GRID2IP: variants seen among roughly 807,000 people sequenced by gnomAD.
The protein encoded by GRID2IP is Grid2 interacting protein.
Under a neutral mutation model 114.3 loss-of-function variants are expected in GRID2IP, and 78 were observed. The observed-to-expected ratio is 0.68, with a 90% CI of 0.57 to 0.82. The LOEUF (loss-of-function observed/expected upper bound fraction) is 0.82. Ranked by LOEUF, GRID2IP falls within the 40% of genes least tolerant of loss-of-function variation. The pLI is 0.00. For synonymous variants in GRID2IP, 809 were observed against 724.0 expected, an observed-to-expected ratio of 1.12 and a Z score of -1.89; for missense variants, 1,727 against 1,678.5, an observed-to-expected ratio of 1.03 and a Z score of -0.51.
intron 1 of GRID2IP, among the ~76,000 whole-genome samples, chr7:6,549,661 C>G (rs1002020427): frequency 6.6e-6 from 1 of 152,142 alleles, no homozygotes; most frequent in Non-Finnish European, 1.5e-5. Context: ...CACTCTGTCA[C>G]TCAGGCTGCA....
Position 6,506,690 on chromosome 7 carries a change from T to C in GRID2IP, c.2545-783A>G, listed in dbSNP as rs1786602093. ...CTTGTCTCACTGAGGTATTTTTTTT[T>C]TTTTTTTTTTAGATAGGGTCTCACT... is the stretch of plus-strand genomic sequence containing the variant. On this transcript the variant is annotated intron_variant, in intron 13 of 21. Transcript: ENST00000457091. This position sits in a 1 kb window ranked among gnomAD's most constrained non-coding sequence, Gnocchi z 5.2. Among the ~76,000 whole-genome samples, 1 of 148,676 alleles carries C rather than the reference T, an allele frequency of 6.7e-6. No homozygotes were observed. The highest frequency in any genetic ancestry group is 2.2e-4 in the East Asian group (1 of 4,642).
chr7:6,502,209 A>G (rs1033403383), intron 18 of GRID2IP, 91 bp from the exon 19 acceptor site: 2 of 1,269,872 alleles, frequency 1.6e-6, no homozygotes, highest in Non-Finnish European at 1.1e-6. Flanking sequence ...TGTGGCATCA[A>G]TGATGAATTC....
In GRID2IP at chr7:6,531,082, G is replaced by C. The variant is rs1032450543; in HGVS notation, c.585-4313C>G. The C allele has an allele frequency of 4.8e-6, 3 of 623,218 alleles. No homozygotes were observed. The Admixed American group carries it at 7.6e-5, about 16-fold the overall frequency. The allele number at this position is 623,218 out of a possible 1,614,324, so 38.6% of individuals were successfully genotyped here. A position where few individuals can be genotyped will look rare whatever the true frequency, so the allele number is the denominator to read the frequency against. ...GGGGAAGCTACCGAAAGTGCCGAGA[G>C]AAGCCCTGGTCCTTCCCCATCTGGA... On this transcript the variant is annotated intron_variant, in intron 2 of 21. Transcript: ENST00000457091.
In GRID2IP at chr7:6,503,578, G is replaced by T; in HGVS notation, c.2820C>A (p.Phe940Leu). 6.5e-7 allele frequency: 1 copy of T among 1,529,050 alleles called. No homozygotes were observed. 94.7% of individuals were successfully genotyped at this position (1,529,050 alleles called of 1,614,324 possible). A position where few individuals can be genotyped will look rare whatever the true frequency, so the allele number is the denominator to read the frequency against. ...GCTGCTCCTCGTCGGCGTCGGGCGC[G>T]AAGAGCAGCAGCTGCGCGAGATGTG... ...EPAHLAQLLL[F>L]APDADEEQRY... The change falls in exon 16 of 22, where the codon TTC becomes TTA. Residue 940 changes from phenylalanine (F) to leucine (L), a missense_variant. By Grantham distance (22) the Phe-to-Leu change is conservative. Coordinates refer to ENST00000457091, the MANE Select transcript of GRID2IP (RefSeq NM_001145118.2).
At chr7:6,517,023 G>A (rs1779318600) in intron 7 of GRID2IP, among the ~76,000 whole-genome samples, 1 of 151,518 alleles carries the variant, frequency 6.6e-6, no homozygotes, top group African/African-American at 2.4e-5. Context: ...GGGCCCAGCT[G>A]TCTTTTCTTC....
chr7:6,507,839 G>C lies in GRID2IP; in HGVS notation c.2544+146C>G. The C allele has an allele frequency of 1.5e-6, 2 of 1,301,378 alleles. No homozygotes were observed. The highest frequency in any genetic ancestry group is 2.0e-6 in the Non-Finnish European group (2 of 978,728). The allele number at this position is 1,301,378 out of a possible 1,614,324, so 80.6% of individuals were successfully genotyped here. ...TGCAGTGGCCCCCAAGCGTGGGGAC[G>C]TTCTTGGGCTGGGCCTCTACTCATC... On this transcript the variant is annotated intron_variant, in intron 13 of 21. Transcript: ENST00000457091. The surrounding 1 kb of genome is among the most constrained non-coding windows in gnomAD (Gnocchi z 5.3).
intron 2 of GRID2IP, among the ~76,000 whole-genome samples, chr7:6,531,486 G>A (rs959318236): frequency 6.6e-6 from 1 of 152,238 alleles, no homozygotes; most frequent in Non-Finnish European, 1.5e-5. Context: ...AAGCCCCGAC[G>A]GCCTTTGGTA....
intron 10 of GRID2IP, 87 bp downstream of exon 10, chr7:6,510,522 T>C (rs1334687246): frequency 1.5e-6 from 2 of 1,319,582 alleles, no homozygotes; most frequent in Non-Finnish European, 2.0e-6. Context: ...CAGGGACGCC[T>C]TGGCCTGGGT....
rs751144321 is a variant in GRID2IP at position 6,506,026 on chromosome 7, G to A, written c.2545-119C>T. On this transcript the variant is annotated intron_variant, in intron 13 of 21. Coordinates refer to ENST00000457091, the MANE Select transcript of GRID2IP (RefSeq NM_001145118.2). The surrounding 1 kb of genome is among the most constrained non-coding windows in gnomAD (Gnocchi z 5.2). ...TCCCGAGCAAAAGCACCCATCAGGT[G>A]CTGGGATAAAGCCCGGAGCAGGAGG... The A allele has an allele frequency of 4.2e-5, 28 of 673,292 alleles. No homozygotes were observed. The highest frequency in any genetic ancestry group is 5.7e-5 in the Non-Finnish European group (22 of 384,436). 41.7% of individuals were successfully genotyped at this position (673,292 alleles called of 1,614,324 possible).
At chr7:6,542,683 C>T (rs183025515) in intron 1 of GRID2IP, among the ~76,000 whole-genome samples, 1 of 152,106 alleles carries the variant, frequency 6.6e-6, no homozygotes, top group Non-Finnish European at 1.5e-5. Flanking sequence ...GAAAATAAAA[C>T]CATGAAATAG....
intron 1 of GRID2IP, among the ~76,000 whole-genome samples, chr7:6,543,959 G>A (rs1562525870): frequency 6.6e-6 from 1 of 151,844 alleles, no homozygotes; most frequent in Non-Finnish European, 1.5e-5. Context: ...ACCACGCCCG[G>A]CTCATTTTGG....
At chr7:6,549,375 G>A (rs1055237427) in intron 1 of GRID2IP, among the ~76,000 whole-genome samples, 3 of 152,160 alleles carry the variant, frequency 2.0e-5, no homozygotes, top group African/African-American at 4.8e-5. Context: ...TCTTCTTGTG[G>A]CTAGAGGTCT....
chr7:6,539,561 T>C (rs1779781031), intron 2 of GRID2IP, among the ~76,000 whole-genome samples, 157 bp downstream of exon 2: 1 of 152,130 alleles, frequency 6.6e-6, no homozygotes, highest in Non-Finnish European at 1.5e-5. Flanking sequence ...CTACCCTTGT[T>C]TGGGGCTTGC....
Position 6,521,946 on chromosome 7 carries a change from C to T in GRID2IP, c.931G>A (p.Asp311Asn). 7 of 1,551,348 alleles carry T rather than the reference C, an allele frequency of 4.5e-6. No individual in the cohort carries two copies. The highest frequency in any genetic ancestry group is 5.2e-6 in the Non-Finnish European group (6 of 1,146,794). ...IESVLPGSPA[D>N]NAALKSGDRI... ...TCACCTGACTTGAGGGCAGCATTGTCAGCTGGGCTCCCTGGAAGCAAGAAG... is the reference window on the plus strand; with the variant it reads ...TCACCTGACTTGAGGGCAGCATTGTTAGCTGGGCTCCCTGGAAGCAAGAAG... The change falls in exon 5 of 22, where the codon GAC (aspartate) becomes AAC (asparagine). Residue 311 changes from aspartate to asparagine, a missense_variant. Physicochemically the swap from Asp to Asn is conservative, Grantham distance 23. Coordinates refer to ENST00000457091, the MANE Select transcript of GRID2IP (RefSeq NM_001145118.2). The surrounding 1 kb of genome is among the most constrained non-coding windows in gnomAD (Gnocchi z 4.1).
intron 4 of GRID2IP, among the ~76,000 whole-genome samples, chr7:6,524,817 C>T (rs1007276822): frequency 2.6e-5 from 4 of 151,628 alleles, no homozygotes; most frequent in African/African-American, 4.8e-5. Flanking sequence ...CCCGGGCTCA[C>T]GCCATTCTCC....
intron 8 of GRID2IP, among the ~76,000 whole-genome samples, chr7:6,512,435 A>G (rs8180811): frequency 0.36 from 54,403 of 150,324 alleles, 9,856 homozygotes; most frequent in East Asian, 0.44. Flanking sequence ...CCAACTCCTG[A>G]GCTCAAGTGC....
intron 1 of GRID2IP, among the ~76,000 whole-genome samples, chr7:6,540,821 G>A (rs925654522): frequency 3.4e-5 from 5 of 145,644 alleles, no homozygotes; most frequent in African/African-American, 7.7e-5. Context: ...GTCAACCACC[G>A]CACACAGCCA....
chr7:6,503,559 C>T lies in GRID2IP; in HGVS notation c.2839G>A (p.Glu947Lys), dbSNP rs1312359766. ...LLLFAPDADEEQRYQAFREAP... is the reference protein window; with the variant it reads ...LLLFAPDADEKQRYQAFREAP... ...TCGCGGAAGGCCTGGTAGCGCTGCT[C>T]CTCGTCGGCGTCGGGCGCGAAGAGC... is the stretch of plus-strand genomic sequence containing the variant. The change falls in exon 16 of 22, where the codon GAG becomes AAG. Residue 947 changes from glutamate to lysine, a missense_variant. Glu to Lys is a moderately conservative substitution (Grantham distance 56, BLOSUM62 1). Transcript: ENST00000457091. 6.5e-7 allele frequency: 1 copy of T among 1,528,868 alleles called. No homozygotes were observed. Among genetic ancestry groups the T allele is most frequent in the Non-Finnish European group, 8.7e-7 (1 of 1,144,164 alleles). The allele number at this position is 1,528,868 out of a possible 1,614,324, so 94.7% of individuals were successfully genotyped here.
intron 1 of GRID2IP, among the ~76,000 whole-genome samples, chr7:6,549,926 C>G (rs1779948127): frequency 6.6e-6 from 1 of 151,900 alleles, no homozygotes. Flanking sequence ...CCACCTCACC[C>G]CACTGGCTCT....
Sources: gnomAD v4.1 joint callset for allele counts (sites outside exome capture counted in the v4.1 genomes callset) on GRCh38, gnomAD v4.1.1 for gene constraint, Gnocchi (gnomAD v3.1) non-coding constraint, MANE v1.5 for transcripts, NCBI Gene and HGNC (gene_info 2026-07-23, HGNC 2026-07-21) for gene names.